The following MAP4 variants were observed in gnomAD, a reference collection of about 807,000 sequenced individuals.
MAP4 encodes the protein microtubule-associated protein 4.
In MAP4, 76 loss-of-function variants were observed where a neutral mutation model predicts 170.2. The observed-to-expected ratio is 0.45, with a 90% confidence interval of 0.37 to 0.54. The LOEUF is 0.54. Among genes scored for constraint, MAP4 ranks in the 20% least tolerant of loss-of-function variants. The probability of loss-of-function intolerance (pLI) is 0.00; values close to 1 mark genes in which losing one functional copy is unlikely to be tolerated. For synonymous variants in MAP4, 909 were observed against 994.5 expected, an observed-to-expected ratio of 0.91 and a Z score of 1.62; for missense variants, 2,506 against 2,748.0, an observed-to-expected ratio of 0.91 and a Z score of 1.97.
intron 4 of MAP4, among the ~76,000 whole-genome samples, chr3:47,922,584 G>A (rs1300743287): frequency 2.0e-5 from 3 of 150,948 alleles, no homozygotes; most frequent in African/African-American, 7.3e-5. Context: ...AAACCAACAA[G>A]TAATTTTTCA....
chr3:48,005,384 A>G (rs964832021), intron 1 of MAP4, among the ~76,000 whole-genome samples: 1 of 151,992 alleles, frequency 6.6e-6, no homozygotes, highest in Non-Finnish European at 1.5e-5. Context: ...ACTGTTCTCT[A>G]ATTTATATAA....
intron 1 of MAP4, among the ~76,000 whole-genome samples, chr3:48,064,712 T>C (rs1319309659): frequency 2.0e-5 from 3 of 152,138 alleles, no homozygotes; most frequent in Non-Finnish European, 4.4e-5. Context: ...GCAACTGTCA[T>C]AGAGTGTACT....
intron 3 of MAP4, among the ~76,000 whole-genome samples, chr3:47,943,931 A>G (rs1451462362): frequency 6.6e-6 from 1 of 152,070 alleles, no homozygotes; most frequent in Non-Finnish European, 1.5e-5. Flanking sequence ...TAGTTTCAGT[A>G]TTCTACCTCC....
At chr3:48,026,633 T>C (rs2100113248) in intron 1 of MAP4, among the ~76,000 whole-genome samples, 1 of 152,158 alleles carries the variant, frequency 6.6e-6, no homozygotes, top group African/African-American at 2.4e-5. Context: ...AAATCTTATC[T>C]CCAAATAAAT....
chr3:47,874,242 C>T (rs549028287), intron 12 of MAP4, among the ~76,000 whole-genome samples: 14 of 152,064 alleles, frequency 9.2e-5, no homozygotes, highest in East Asian at 5.8e-4. Context: ...CCGAGGCAGG[C>T]GGATCACCTG....
chr3:48,045,130 T>C (rs959763820), intron 1 of MAP4, among the ~76,000 whole-genome samples: 1 of 144,488 alleles, frequency 6.9e-6, no homozygotes. Context: ...TGGTGGTGCA[T>C]GCCTATAATC....
chr3:48,056,705 G>T (rs1331085654), intron 1 of MAP4, among the ~76,000 whole-genome samples: 1 of 103,234 alleles, frequency 9.7e-6, no homozygotes, highest in East Asian at 3.1e-4. Flanking sequence ...CCCCGTCTGG[G>T]AGGTGAGGGG....
At chr3:47,928,167 T>G in intron 4 of MAP4, 61 bp downstream of exon 4, 1 of 1,599,602 alleles carries the variant, frequency 6.3e-7, no homozygotes. Flanking sequence ...ATGGTGGTTG[T>G]AGCTTTTTCA....
intron 1 of MAP4, among the ~76,000 whole-genome samples, chr3:48,076,786 C>CTA (rs1268992588): frequency 6.6e-6 from 1 of 152,088 alleles, no homozygotes; most frequent in East Asian, 1.9e-4. Context: ...GATGTGACAC[C>CTA]TATAGCACAA....
At position 47,888,237 on chromosome 3, in the gene MAP4, C is replaced by G. The variant is rs934284800; in HGVS notation, c.5435-10714G>C. On this transcript the variant is annotated intron_variant, in intron 10 of 20. Coordinates refer to ENST00000683076, the MANE Select transcript of MAP4 (RefSeq NM_001385682.1). ...TACCAATCAGCAGGATGTGGGTGGG[C>G]CCAGATAAGAGAATAAAAGCAGGCT... is the stretch of plus-strand genomic sequence containing the variant. 5.8e-4 allele frequency among the ~76,000 whole-genome samples: 88 copies of G among 152,126 alleles called. 1 individual carries two copies. The highest frequency in any genetic ancestry group is 4.0e-4 in the Non-Finnish European group (27 of 68,010).
At chr3:47,920,496 G>A (rs1387722210) in intron 5 of MAP4, among the ~76,000 whole-genome samples, 2 of 151,486 alleles carry the variant, frequency 1.3e-5, no homozygotes, top group Non-Finnish European at 2.9e-5. Context: ...ATCCGCCTTG[G>A]CCTCCCAAAG....
chr3:48,079,121 T>C (rs1579871960), intron 1 of MAP4, among the ~76,000 whole-genome samples: 1 of 151,762 alleles, frequency 6.6e-6, no homozygotes, highest in Non-Finnish European at 1.5e-5. Flanking sequence ...AAGTGAGCTG[T>C]GATTATGCCA....
intron 3 of MAP4, among the ~76,000 whole-genome samples, chr3:47,934,388 C>T (rs978677826): frequency 2.6e-5 from 4 of 152,108 alleles, no homozygotes; most frequent in East Asian, 1.9e-4. Flanking sequence ...CCCTAAACTC[C>T]GTCTCCCAGG....
chr3:48,027,763 G>A (rs757503335), intron 1 of MAP4, among the ~76,000 whole-genome samples: 7 of 152,246 alleles, frequency 4.6e-5, no homozygotes, highest in African/African-American at 4.8e-5. Context: ...GTTTGAGCCC[G>A]GGAGGTCAAG....
At chr3:48,022,208 G>A (rs562917186) in intron 1 of MAP4, among the ~76,000 whole-genome samples, 77 of 152,148 alleles carry the variant, frequency 5.1e-4, no homozygotes, top group African/African-American at 1.7e-3. Flanking sequence ...AAATGTGAAC[G>A]GTAAACAATA....
rs1462283586 is a variant in MAP4 at position 47,851,129 on chromosome 3, T to G, written c.*1805A>C. Reference sequence around the variant, plus strand: ...TCCCACTTTCATCCCAGCAGGCCCTTTCTTCCTGCTGACAAAACACTGGCT... The same window carrying G: ...TCCCACTTTCATCCCAGCAGGCCCTGTCTTCCTGCTGACAAAACACTGGCT... On this transcript the variant is annotated 3_prime_UTR_variant, in exon 21 of 21. Transcript: ENST00000683076. 2.6e-5 allele frequency: 4 copies of G among 152,296 alleles called. No individual in the cohort carries two copies. The highest frequency in any genetic ancestry group is 5.9e-5 in the Non-Finnish European group (4 of 68,110). The allele number at this position is 152,296 out of a possible 1,614,324, so 9.4% of individuals were successfully genotyped here.
At chr3:47,998,982 T>C in intron 1 of MAP4, 103 bp from the exon 2 acceptor site, 1 of 712,844 alleles carries the variant, frequency 1.4e-6, no homozygotes, top group South Asian at 1.8e-5. Context: ...AGAATCAAAA[T>C]CTAAGATTTT....
At chr3:48,048,811 C>T (rs937660355) in intron 1 of MAP4, among the ~76,000 whole-genome samples, 7 of 151,894 alleles carry the variant, frequency 4.6e-5, no homozygotes, top group African/African-American at 1.7e-4. Context: ...TTTTTTTTAA[C>T]CTGCATTTGT....
chr3:48,055,468 G>A (rs555430188), intron 1 of MAP4, among the ~76,000 whole-genome samples: 3 of 150,718 alleles, frequency 2.0e-5, no homozygotes, highest in African/African-American at 4.9e-5. Flanking sequence ...GGCCTCCCGA[G>A]GTGCCGGGAT....
Sources: gnomAD v4.1 joint callset for allele counts (sites outside exome capture counted in the v4.1 genomes callset) on GRCh38, gnomAD v4.1.1 for gene constraint, MANE v1.5 for transcripts, NCBI Gene and HGNC (gene_info 2026-07-23, HGNC 2026-07-21) for gene names.